SF1: variants seen among roughly 807,000 people sequenced by gnomAD.
The protein encoded by SF1 is splicing factor 1.
Under a neutral mutation model 62.5 loss-of-function variants are expected in SF1, and 7 were observed. The observed-to-expected ratio is 0.11, with a 90% CI of 0.06 to 0.21. The LOEUF is 0.21. SF1 is among the 10% of genes least tolerant of loss of function. The pLI is 1.00. For missense variants in SF1, 578 were observed against 884.0 expected (o/e 0.65, Z 4.39); for synonymous variants, 394 against 323.6 (o/e 1.22, Z -2.33).
At chr11:64,770,613 G>A (rs963010130) in intron 3 of SF1, 1 of 471,502 alleles carries the variant, frequency 2.1e-6, no homozygotes, top group African/African-American at 2.0e-5. Flanking sequence ...GGGTGTGTGT[G>A]AGAAAGGAAA....
intron 3 of SF1, chr11:64,772,839 T>C: frequency 1.0e-6 from 1 of 985,244 alleles, no homozygotes; most frequent in East Asian, 1.1e-4. Flanking sequence ...GTTGCATGCC[T>C]TCCCAAAATA....
chr11:64,770,608 T>A (rs1938163904), intron 3 of SF1, 200 bp from the exon 4 acceptor site: 1 of 493,048 alleles, frequency 2.0e-6, no homozygotes, highest in Non-Finnish European at 3.5e-6. Flanking sequence ...GTCTGGGGTG[T>A]GTGTGAGAAA....
intron 2 of SF1, among the ~76,000 whole-genome samples, chr11:64,775,749 T>C (rs1269336839): frequency 6.6e-6 from 1 of 152,178 alleles, no homozygotes; most frequent in Non-Finnish European, 1.5e-5. Context: ...AACTTTTTTT[T>C]CCAAAAAAGC....
chr11:64,767,903 T>C (rs1937618176), intron 9 of SF1, 59 bp from the exon 10 acceptor site: 3 of 1,584,678 alleles, frequency 1.9e-6, no homozygotes, highest in Admixed American at 1.9e-5. Context: ...GCAACATTGT[T>C]CTTCGGGTTA....
chr11:64,774,961 C>CAA lies in SF1; in HGVS notation c.161-1458_161-1457dup, dbSNP rs201621861. Among the ~76,000 whole-genome samples the CAA allele has an allele frequency of 4.0e-3, 392 of 99,054 alleles. 1 individual carries two copies. Among genetic ancestry groups the CAA allele is most frequent in the African/African-American group, 0.014 (371 of 27,352 alleles). The allele number at this position is 99,054 out of a possible 152,430, so 65.0% of individuals were successfully genotyped here. ...GGCGACACAGCAAGACTCAGTCTCT[C>CAA]AAAAAAAAAAAAAAAAAGATATTGA... On this transcript the variant is annotated intron_variant, in intron 2 of 12. Coordinates refer to ENST00000377390, the MANE Select transcript of SF1 (RefSeq NM_004630.4).
At chr11:64,770,455 A>C in intron 3 of SF1, 47 bp from the exon 4 acceptor site, 1 of 1,591,002 alleles carries the variant, frequency 6.3e-7, no homozygotes. Context: ...GACTTCTCTC[A>C]TTCCCACACG....
chr11:64,769,719 A>C, intron 5 of SF1, 110 bp from the exon 6 acceptor site: 1 of 1,036,114 alleles, frequency 9.7e-7, no homozygotes, highest in Admixed American at 2.2e-5. Flanking sequence ...AGAGAATTGG[A>C]TTTTCCCACC....
chr11:64,772,007 G>A, intron 3 of SF1: 2 of 985,308 alleles, frequency 2.0e-6, no homozygotes, highest in South Asian at 9.4e-5. Flanking sequence ...AGCATTCTTA[G>A]CTAGTTACAA....
rs908045182 is a variant in SF1 at position 64,771,611 on chromosome 11, G to A, written c.237-1203C>T. ...GTCAGGTTTGTTCATGGCTAATGACGGCTAAATGACACCTCCGTTTCTAGC... is the reference window on the plus strand; with the variant it reads ...GTCAGGTTTGTTCATGGCTAATGACAGCTAAATGACACCTCCGTTTCTAGC... On this transcript the variant is annotated intron_variant, in intron 3 of 12. Transcript: ENST00000377390. 9 of 985,204 alleles carry A rather than the reference G, an allele frequency of 9.1e-6. No individual in the cohort carries two copies. In the African/African-American group the frequency reaches 1.4e-4, roughly 15 times the overall value. The allele number at this position is 985,204 out of a possible 1,614,324, so 61.0% of individuals were successfully genotyped here.
In SF1 at chr11:64,765,703, GCACA is replaced by G. The variant is rs746131958; in HGVS notation, c.*111_*114del. ...AGTGCGTGCACACACACACATGCGT[GCACA>G]CACAATCACATGCGTGCGTCCCAAT... On this transcript the variant is annotated 3_prime_UTR_variant, in exon 13 of 13. Coordinates refer to ENST00000377390, the MANE Select transcript of SF1 (RefSeq NM_004630.4). The G allele has an allele frequency of 9.6e-4, 1,402 of 1,465,868 alleles. 5 individuals are homozygous for G. The highest frequency in any genetic ancestry group is 7.8e-4 in the Non-Finnish European group (871 of 1,111,052). The allele number at this position is 1,465,868 out of a possible 1,614,324, so 90.8% of individuals were successfully genotyped here. A position where few individuals can be genotyped will look rare whatever the true frequency, so the allele number is the denominator to read the frequency against.
In SF1 at chr11:64,765,852, G is replaced by A. The variant is rs867028073; in HGVS notation, c.1886C>T (p.Pro629Leu). 5.8e-6 allele frequency: 9 copies of A among 1,557,896 alleles called. No homozygotes were observed. Among genetic ancestry groups the A allele is most frequent in the South Asian group, 1.2e-5 (1 of 84,798 alleles). The change falls in exon 13 of 13, where the codon CCT becomes CTT. Residue 629 changes from proline (P) to leucine (L), a missense_variant. Physicochemically the swap from Pro to Leu is moderately conservative, Grantham distance 98 (BLOSUM62 -3). Transcript: ENST00000377390. ...GVAGMPPFGM[P>L]PAPPPPPPQN ...TGGTGGAGGCGGTGGGGGAGCTGGA[G>A]GCATCCCGAAGGGCGGCATGCCCGC...
rs1239314610 is a variant in SF1 at position 64,765,397 on chromosome 11, C to CT, written c.*420dup. 7.8e-7 allele frequency: 1 copy of CT among 1,289,094 alleles called. No individual in the cohort carries two copies. The highest frequency in any genetic ancestry group is 1.5e-5 in the African/African-American group (1 of 67,808). 79.9% of individuals were successfully genotyped at this position (1,289,094 alleles called of 1,614,324 possible). On this transcript the variant is annotated 3_prime_UTR_variant, in exon 13 of 13. Transcript: ENST00000377390. Reference sequence around the variant, plus strand: ...CCGTCCACAAAAATAACTCAGGCTGCTTTGCCGAACCATCCTGTCCACCAG... The same window carrying CT: ...CCGTCCACAAAAATAACTCAGGCTGCTTTTGCCGAACCATCCTGTCCACCAG...
intron 3 of SF1, among the ~76,000 whole-genome samples, chr11:64,771,038 G>A (rs955300885): frequency 2.6e-5 from 4 of 152,304 alleles, no homozygotes; most frequent in Non-Finnish European, 2.9e-5. Context: ...CTGGCTGTTC[G>A]AGGTTGGGGA....
At chr11:64,772,403 C>T in intron 3 of SF1, 1 of 984,304 alleles carries the variant, frequency 1.0e-6, no homozygotes, top group South Asian at 4.7e-5. Flanking sequence ...TAAAATATAG[C>T]AAATGTAGTA....
At chr11:64,766,207 G>T in intron 12 of SF1, 52 bp from the exon 13 acceptor site, 1 of 1,507,530 alleles carries the variant, frequency 6.6e-7, no homozygotes, top group Non-Finnish European at 9.1e-7. Context: ...CACCGCGGCT[G>T]TCTGCGGCTG....
At chr11:64,768,780 T>G (rs1270811285) in intron 8 of SF1, among the ~76,000 whole-genome samples, 2 of 152,258 alleles carry the variant, frequency 1.3e-5, no homozygotes, top group Non-Finnish European at 2.9e-5. Context: ...AATTTCCTAT[T>G]GAGCCCCAGT....
In SF1 at chr11:64,768,134, G is replaced by A; in HGVS notation, c.1040C>T (p.Ala347Val). The A allele has an allele frequency of 1.2e-6, 2 of 1,612,356 alleles. No homozygotes were observed. The highest frequency in any genetic ancestry group is 8.5e-7 in the Non-Finnish European group (1 of 1,179,154). ...TGGAGGTGGGTTGTTGGCGGGAGCA[G>A]CAGGACGAGGTGCGCTGGCCAGGGG... ...TTPLASAPRP[A>V]APANNPPPPS... The change falls in exon 9 of 13, where the codon GCT (alanine) becomes GTT (valine). Residue 347 changes from alanine to valine, a missense_variant. Ala to Val is a moderately conservative substitution (Grantham distance 64). Coordinates refer to ENST00000377390, the MANE Select transcript of SF1 (RefSeq NM_004630.4).
intron 2 of SF1, among the ~76,000 whole-genome samples, 188 bp from the exon 3 acceptor site, chr11:64,773,693 T>A (rs1938672653): frequency 2.0e-5 from 3 of 152,164 alleles, no homozygotes; most frequent in Admixed American, 2.0e-4. Flanking sequence ...ATCTATAGGT[T>A]TTTTTCACTT....
At chr11:64,769,870 A>G (rs774304470) in intron 5 of SF1, 94 bp downstream of exon 5, 146 of 990,692 alleles carry the variant, frequency 1.5e-4, no homozygotes, top group Non-Finnish European at 2.0e-4. Context: ...CAAAAAGGGG[A>G]AAAGTAAGCC....
Sources: gnomAD v4.1 joint callset for allele counts (sites outside exome capture counted in the v4.1 genomes callset) on GRCh38, gnomAD v4.1.1 for gene constraint, MANE v1.5 for transcripts, NCBI Gene and HGNC (gene_info 2026-07-23, HGNC 2026-07-21) for gene names.